RFX2: variants seen among roughly 807,000 people sequenced by gnomAD.
The protein encoded by RFX2 is regulatory factor X2.
A neutral mutation model predicts 87.8 loss-of-function variants in RFX2; 20 were observed. That is an observed-to-expected ratio of 0.23 (90% CI 0.16 to 0.33). RFX2 has a LOEUF of 0.33. RFX2 is among the 10% of genes least tolerant of loss of function. The pLI, the probability that RFX2 is intolerant of heterozygous loss-of-function variation, is 1.00. For missense variants in RFX2, 767 were observed against 1,012.3 expected (o/e 0.76, Z 3.29); for synonymous variants, 397 against 431.3 (o/e 0.92, Z 0.98).
rs1417737239 is a variant in RFX2 at position 6,002,192 on chromosome 19, T to C, written c.1651-169A>G. Among the ~76,000 whole-genome samples the C allele has an allele frequency of 2.0e-5, 3 of 152,236 alleles. No individual in the cohort carries two copies. The East Asian group carries it at 5.8e-4, about 29-fold the overall frequency. ...TGTGTCTCCCGTCACAGGGGCAGAATAGAGAGCTGAGGGGGATCGTACCCG... is the reference window on the plus strand; with the variant it reads ...TGTGTCTCCCGTCACAGGGGCAGAACAGAGAGCTGAGGGGGATCGTACCCG... On this transcript the variant is annotated intron_variant, in intron 14 of 17. Transcript: ENST00000303657. This position sits in a 1 kb window ranked among gnomAD's most constrained non-coding sequence, Gnocchi z 6.7.
In RFX2 at chr19:6,007,785, C is replaced by T. The variant is rs2086603116; in HGVS notation, c.1152G>A (p.Val384=). 1 of 1,552,786 alleles carries T rather than the reference C, an allele frequency of 6.4e-7. No individual in the cohort carries two copies. Among genetic ancestry groups the T allele is most frequent in the Non-Finnish European group, 8.7e-7 (1 of 1,146,924 alleles). ...RRHCEATVDV[V]MNLQFHYIEK... is the part of the protein sequence containing the mutation. ...CGATGTAGTGGAACTGGAGGTTCAT[C>T]ACCACATCTACAGTTGCCTAGGAAT... The change falls in exon 11 of 18, where the codon GTG becomes GTA. Residue 384 remains valine, a synonymous_variant. Coordinates refer to ENST00000303657, the MANE Select transcript of RFX2 (RefSeq NM_000635.4). The surrounding 1 kb of genome is among the most constrained non-coding windows in gnomAD (Gnocchi z 8.2).
chr19:6,017,262 G>A lies in RFX2; in HGVS notation c.598-991C>T, dbSNP rs942672596. On this transcript the variant is annotated intron_variant, in intron 6 of 17. Transcript: ENST00000303657. The surrounding 1 kb of genome is among the most constrained non-coding windows in gnomAD (Gnocchi z 4.1). ...AAAACGAAACAAAACAAAAAGATGG[G>A]CTAAATGAGTCCCGAGCCAAGGACT... Among the ~76,000 whole-genome samples, 1 of 152,132 alleles carries A rather than the reference G, an allele frequency of 6.6e-6. No individual in the cohort carries two copies. The highest frequency in any genetic ancestry group is 1.5e-5 in the Non-Finnish European group (1 of 68,036).
chr19:6,052,822 T>G (rs112661498), intron 1 of RFX2, among the ~76,000 whole-genome samples: 1 of 151,596 alleles, frequency 6.6e-6, no homozygotes, highest in Non-Finnish European at 1.5e-5. Flanking sequence ...CAAAGAAAAA[T>G]AGAAAATATT....
At position 6,044,599 on chromosome 19, in the gene RFX2, C is replaced by T. The variant is rs547408747; in HGVS notation, c.91-317G>A. On this transcript the variant is annotated intron_variant, in intron 2 of 17. Transcript: ENST00000303657. The surrounding 1 kb of genome is among the most constrained non-coding windows in gnomAD (Gnocchi z 5.3). ...ATGCACACACACATACACGGAAGCA[C>T]ATGCACCTTCACCCGCCCAGGCAGC... is the stretch of plus-strand genomic sequence containing the variant. 6.6e-6 allele frequency among the ~76,000 whole-genome samples: 1 copy of T among 152,354 alleles called. No homozygotes were observed. The highest frequency in any genetic ancestry group is 1.9e-4 in the East Asian group (1 of 5,178).
chr19:6,039,526 T>C lies in RFX2; in HGVS notation c.522+454A>G, dbSNP rs1406560516. Among the ~76,000 whole-genome samples the C allele has an allele frequency of 6.6e-6, 1 of 152,148 alleles. No homozygotes were observed. The highest frequency in any genetic ancestry group is 1.5e-5 in the Non-Finnish European group (1 of 68,030). On this transcript the variant is annotated intron_variant, in intron 5 of 17. Transcript: ENST00000303657. The surrounding 1 kb of genome is among the most constrained non-coding windows in gnomAD (Gnocchi z 5.2). The stretch of plus-strand genomic sequence containing the variant: ...TAGAGACTCTGGAAAAGCAGATAAG[T>C]CGTTATTTTGCATCGGGGCATGGCA...
At chr19:6,028,892 TG>T (rs1247139072) in intron 5 of RFX2, among the ~76,000 whole-genome samples, 1 of 151,982 alleles carries the variant, frequency 6.6e-6, no homozygotes, top group East Asian at 1.9e-4. Context: ...CTGGCTAACA[TG>T]GTGAAACCCT....
chr19:6,063,365 G>A lies in RFX2; in HGVS notation c.-8-15861C>T, dbSNP rs545581612. On this transcript the variant is annotated intron_variant, in intron 1 of 17. Coordinates refer to ENST00000303657, the MANE Select transcript of RFX2 (RefSeq NM_000635.4). This position sits in a 1 kb window ranked among gnomAD's most constrained non-coding sequence, Gnocchi z 4.0. ...GAGGGAGGCCAGCATGGCACACAGCGGTCCAGACTCGCAGTGACAAGGTGG... is the reference window on the plus strand; with the variant it reads ...GAGGGAGGCCAGCATGGCACACAGCAGTCCAGACTCGCAGTGACAAGGTGG... 5.9e-5 allele frequency among the ~76,000 whole-genome samples: 9 copies of A among 152,354 alleles called. No individual in the cohort carries two copies. In the East Asian group the frequency reaches 1.4e-3, roughly 23 times the overall value.
At position 6,087,827 on chromosome 19, in the gene RFX2, G is replaced by A. The variant is rs183412900; in HGVS notation, c.-9+22566C>T. 8.6e-4 allele frequency among the ~76,000 whole-genome samples: 131 copies of A among 152,236 alleles called. 1 individual carries two copies. Among genetic ancestry groups the A allele is most frequent in the African/African-American group, 3.0e-3 (123 of 41,526 alleles). ...TTCCTTGATTAGCCATGGCACATTC[G>A]CCCTTCTTAGGTGGACAGCGTGTTT... is the stretch of plus-strand genomic sequence containing the variant. On this transcript the variant is annotated intron_variant, in intron 1 of 17. Transcript: ENST00000303657.
Position 6,045,213 on chromosome 19 carries a change from C to A in RFX2, c.91-931G>T, listed in dbSNP as rs983397024. Among the ~76,000 whole-genome samples the A allele has an allele frequency of 1.3e-5, 2 of 152,120 alleles. No individual in the cohort carries two copies. The highest frequency in any genetic ancestry group is 6.6e-5 in the Admixed American group (1 of 15,266). ...GATGAAGATGGTGCTAATAAGGATG[C>A]CAGCGCAAGGGCATTCTGATTCCAG... On this transcript the variant is annotated intron_variant, in intron 2 of 17. Coordinates refer to ENST00000303657, the MANE Select transcript of RFX2 (RefSeq NM_000635.4). This position sits in a 1 kb window ranked among gnomAD's most constrained non-coding sequence, Gnocchi z 5.2.
At chr19:6,097,885 CT>C (rs1230483633) in intron 1 of RFX2, among the ~76,000 whole-genome samples, 2 of 152,206 alleles carry the variant, frequency 1.3e-5, no homozygotes, top group East Asian at 3.9e-4. Context: ...GCCAGGTTCC[CT>C]TTATTTTTAA....
At position 6,020,574 on chromosome 19, in the gene RFX2, G is replaced by A. The variant is rs1423470836; in HGVS notation, c.598-4303C>T. 6.6e-6 allele frequency among the ~76,000 whole-genome samples: 1 copy of A among 152,218 alleles called. No individual in the cohort carries two copies. The highest frequency in any genetic ancestry group is 6.5e-5 in the Admixed American group (1 of 15,282). The stretch of plus-strand genomic sequence containing the variant: ...GCACCGGGCCTTCCCATCCCTCGGT[G>A]CTGGAGCCCACACCTGGCGGCACGT... On this transcript the variant is annotated intron_variant, in intron 6 of 17. Transcript: ENST00000303657. This position sits in a 1 kb window ranked among gnomAD's most constrained non-coding sequence, Gnocchi z 5.3.
chr19:6,015,452 T>G (rs987564600), intron 7 of RFX2, among the ~76,000 whole-genome samples: 2 of 150,348 alleles, frequency 1.3e-5, no homozygotes, highest in African/African-American at 4.9e-5. Context: ...TGAGAAATGG[T>G]AAATCCAGCT....
At chr19:6,089,273 C>T (rs1394496508) in intron 1 of RFX2, among the ~76,000 whole-genome samples, 1 of 152,214 alleles carries the variant, frequency 6.6e-6, no homozygotes, top group Admixed American at 6.5e-5. Flanking sequence ...GTCAGGGACA[C>T]TCTGGGGGTG....
intron 1 of RFX2, among the ~76,000 whole-genome samples, chr19:6,099,089 C>T (rs558010974): frequency 4.6e-5 from 7 of 151,500 alleles, no homozygotes; most frequent in African/African-American, 1.7e-4. Flanking sequence ...TGCCACATTT[C>T]GTTGCTGAAA....
Position 5,993,875 on chromosome 19 carries a change from A to T in RFX2, c.*960T>A, listed in dbSNP as rs906302523. 16 of 151,968 alleles carry T rather than the reference A, an allele frequency of 1.1e-4. No individual in the cohort carries two copies. Among genetic ancestry groups the T allele is most frequent in the African/African-American group, 3.9e-4 (16 of 41,338 alleles). The allele number at this position is 151,968 out of a possible 1,614,324, so 9.4% of individuals were successfully genotyped here. On this transcript the variant is annotated 3_prime_UTR_variant, in exon 18 of 18. Coordinates refer to ENST00000303657, the MANE Select transcript of RFX2 (RefSeq NM_000635.4). ...AGTTCAGAGGGAGGTGTTCTGGAAG[A>T]CTCCGTGGAGCGGGACGCAGGCACT...
At chr19:6,046,802 C>G (rs1179030534) in intron 2 of RFX2, among the ~76,000 whole-genome samples, 3 of 151,772 alleles carry the variant, frequency 2.0e-5, no homozygotes, top group Non-Finnish European at 4.4e-5. Flanking sequence ...AGGTCTCTGT[C>G]ACCCAGGCTG....
rs1367250790 is a variant in RFX2, at chr19:6,050,958, A to G, written c.-8-3454T>C. 1.3e-5 allele frequency among the ~76,000 whole-genome samples: 2 copies of G among 152,196 alleles called. No individual in the cohort carries two copies. The highest frequency in any genetic ancestry group is 2.4e-5 in the African/African-American group (1 of 41,432). ...ACAGATGATGACTGGCTTCTCATCA[A>G]TAACAATGGCAACCAGAAGACAATG... On this transcript the variant is annotated intron_variant, in intron 1 of 17. Transcript: ENST00000303657. This position sits in a 1 kb window ranked among gnomAD's most constrained non-coding sequence, Gnocchi z 4.6.
rs1339471988 is a variant in RFX2, at chr19:6,020,630, C to T, written c.598-4359G>A. 5.9e-5 allele frequency among the ~76,000 whole-genome samples: 9 copies of T among 152,220 alleles called. No homozygotes were observed. The highest frequency in any genetic ancestry group is 2.1e-4 in the South Asian group (1 of 4,836). On this transcript the variant is annotated intron_variant, in intron 6 of 17. Coordinates refer to ENST00000303657, the MANE Select transcript of RFX2 (RefSeq NM_000635.4). The surrounding 1 kb of genome is among the most constrained non-coding windows in gnomAD (Gnocchi z 5.3). ...TGCGGCAAGCATCACAGGTCAGTTC[C>T]GTGAAACCGACCACGAGGGTCCAGC...
chr19:6,037,761 T>A (rs532690240), intron 5 of RFX2, among the ~76,000 whole-genome samples: 1 of 152,326 alleles, frequency 6.6e-6, no homozygotes, highest in South Asian at 2.1e-4. Flanking sequence ...TTAGACTTAC[T>A]ATAAAGCTAT....
Sources: allele counts gnomAD v4.1 joint callset (sites outside exome capture counted in the v4.1 genomes callset), GRCh38; gene constraint gnomAD v4.1.1; non-coding constraint Gnocchi (gnomAD v3.1); transcripts MANE v1.5; gene names NCBI Gene and HGNC (gene_info 2026-07-23, HGNC 2026-07-21).